The following CACNA2D3 variants were observed in gnomAD, a reference collection of about 807,000 sequenced individuals.
CACNA2D3 encodes the protein calcium voltage-gated channel auxiliary subunit alpha2delta 3.
In CACNA2D3, 60 loss-of-function variants were observed where a neutral mutation model predicts 160.6. That is an observed-to-expected ratio of 0.37 (90% CI 0.30 to 0.46). The LOEUF (loss-of-function observed/expected upper bound fraction) is 0.46, where lower values mean the gene tolerates loss of function less well. Ranked by LOEUF, CACNA2D3 falls within the 20% of genes least tolerant of loss-of-function variation. CACNA2D3 has a pLI of 1.00. For synonymous variants in CACNA2D3, 558 were observed against 492.9 expected (o/e 1.13, Z -1.75); for missense variants, 1,205 against 1,365.0 (o/e 0.88, Z 1.85).
At chr3:54,859,972 GCACACACACACACACACA>G (rs1553891454) in intron 17 of CACNA2D3, among the ~76,000 whole-genome samples, 2 of 133,788 alleles carry the variant, frequency 1.5e-5, no homozygotes, top group African/African-American at 2.8e-5. Flanking sequence ...GAAAGTAGAT[GCACACACACACACACACA>G]CACACACACA....
At chr3:54,402,051 C>G (rs530027464) in intron 4 of CACNA2D3, among the ~76,000 whole-genome samples, 5 of 152,168 alleles carry the variant, frequency 3.3e-5, no homozygotes, top group African/African-American at 7.2e-5. Flanking sequence ...AAGTTGTTAT[C>G]AGTGTAAAAT....
intron 17 of CACNA2D3, among the ~76,000 whole-genome samples, chr3:54,865,295 C>T (rs907261781): frequency 6.6e-6 from 1 of 152,196 alleles, no homozygotes; most frequent in Non-Finnish European, 1.5e-5. Flanking sequence ...TCATTATTTT[C>T]CAAATTTTCA....
intron 13 of CACNA2D3, among the ~76,000 whole-genome samples, chr3:54,779,238 C>T (rs1171160861): frequency 1.3e-5 from 2 of 152,066 alleles, no homozygotes; most frequent in Non-Finnish European, 2.9e-5. Flanking sequence ...GTTGGGACTA[C>T]AAGGTGTGTG....
intron 27 of CACNA2D3, among the ~76,000 whole-genome samples, chr3:54,951,701 C>T (rs779093213): frequency 2.6e-4 from 39 of 152,150 alleles, no homozygotes; most frequent in Non-Finnish European, 5.0e-4. Context: ...GTCACTGAAC[C>T]GCCGTGTACC....
chr3:54,428,084 CAG>C (rs1182015939), intron 4 of CACNA2D3, among the ~76,000 whole-genome samples: 10 of 152,166 alleles, frequency 6.6e-5, no homozygotes, highest in Non-Finnish European at 1.0e-4. Flanking sequence ...ATGTGCTTGA[CAG>C]GGGTGAAATA....
At chr3:54,341,377 T>C (rs1453655390) in intron 3 of CACNA2D3, among the ~76,000 whole-genome samples, 5 of 152,146 alleles carry the variant, frequency 3.3e-5, no homozygotes, top group Non-Finnish European at 7.4e-5. Flanking sequence ...ATAGTGCCCA[T>C]CACCTCCCAG....
At chr3:54,312,519 A>G (rs1438992492) in intron 2 of CACNA2D3, among the ~76,000 whole-genome samples, 1 of 152,190 alleles carries the variant, frequency 6.6e-6, no homozygotes, top group African/African-American at 2.4e-5. Context: ...TCACTTTTAG[A>G]TACACAATTC....
intron 4 of CACNA2D3, among the ~76,000 whole-genome samples, chr3:54,422,558 C>T (rs571185923): frequency 6.6e-6 from 1 of 152,122 alleles, no homozygotes; most frequent in East Asian, 1.9e-4. Flanking sequence ...AGTGAGTTGA[C>T]AGGAGTGGAA....
intron 16 of CACNA2D3, among the ~76,000 whole-genome samples, chr3:54,842,911 C>A (rs1435862413): frequency 6.6e-6 from 1 of 151,266 alleles, no homozygotes; most frequent in Non-Finnish European, 1.5e-5. Context: ...ACCTCCAGTT[C>A]TTTCTAGGAC....
intron 11 of CACNA2D3, among the ~76,000 whole-genome samples, chr3:54,717,838 TGA>T (rs1306622999): frequency 7.0e-6 from 1 of 143,444 alleles, no homozygotes; most frequent in African/African-American, 2.6e-5. Flanking sequence ...TGTGTGTGCG[TGA>T]GTGTGTGTGT....
At chr3:54,285,959 T>C (rs375436889) in intron 2 of CACNA2D3, among the ~76,000 whole-genome samples, 1 of 151,810 alleles carries the variant, frequency 6.6e-6, no homozygotes, top group Non-Finnish European at 1.5e-5. Flanking sequence ...CAAAAGTAGA[T>C]AAAACCACAA....
chr3:54,560,137 T>C (rs1702302585), intron 5 of CACNA2D3, among the ~76,000 whole-genome samples: 1 of 152,248 alleles, frequency 6.6e-6, no homozygotes, highest in South Asian at 2.1e-4. Context: ...TATTTCTGTC[T>C]TTAGGTCTTT....
chr3:54,857,487 G>T (rs962178333), intron 17 of CACNA2D3, among the ~76,000 whole-genome samples: 1 of 152,150 alleles, frequency 6.6e-6, no homozygotes, highest in Non-Finnish European at 1.5e-5. Flanking sequence ...CTCAGGTGGG[G>T]TGTCTCTGAG....
At chr3:54,480,018 T>C (rs1177467516) in intron 4 of CACNA2D3, among the ~76,000 whole-genome samples, 3 of 152,078 alleles carry the variant, frequency 2.0e-5, no homozygotes, top group Non-Finnish European at 2.9e-5. Flanking sequence ...AGGAAATTGC[T>C]CATCCCCAAA....
chr3:54,580,722 C>T (rs145468453), intron 8 of CACNA2D3, among the ~76,000 whole-genome samples: 348 of 152,252 alleles, frequency 2.3e-3, no homozygotes, highest in Non-Finnish European at 3.9e-3. Flanking sequence ...GTGGGGAATC[C>T]GGCCAACAGA....
At chr3:54,461,701 G>A (rs149475059) in intron 4 of CACNA2D3, among the ~76,000 whole-genome samples, 6,576 of 150,380 alleles carry the variant, frequency 0.044, 497 homozygotes, top group African/African-American at 0.15. Flanking sequence ...TGATCTATCA[G>A]TTTTGTTGAT....
intron 17 of CACNA2D3, among the ~76,000 whole-genome samples, chr3:54,862,934 G>A (rs1419385909): frequency 3.3e-5 from 5 of 152,114 alleles, no homozygotes; most frequent in South Asian, 2.1e-4. Context: ...TATTCAAAAC[G>A]GTCTGACGGC....
chr3:54,852,345 G>C (rs1019767266), intron 17 of CACNA2D3, among the ~76,000 whole-genome samples: 5 of 152,236 alleles, frequency 3.3e-5, no homozygotes, highest in African/African-American at 9.6e-5. Flanking sequence ...CCAGTGGGTG[G>C]AAAGCAGTAG....
intron 3 of CACNA2D3, among the ~76,000 whole-genome samples, chr3:54,381,100 T>C (rs1699096127): frequency 6.6e-6 from 1 of 152,230 alleles, no homozygotes; most frequent in Non-Finnish European, 1.5e-5. Context: ...AAACATTACA[T>C]GAAAACCACT....
Sources: gnomAD v4.1 joint callset for allele counts (sites outside exome capture counted in the v4.1 genomes callset) on GRCh38, gnomAD v4.1.1 for gene constraint, MANE v1.5 for transcripts, NCBI Gene and HGNC (gene_info 2026-07-23, HGNC 2026-07-21) for gene names.